Variants in RASGEF1B observed in about 807,000 individuals in gnomAD.
RASGEF1B encodes the protein RasGEF domain family member 1B, also known as ras-GEF domain-containing family member 1B.
Under a neutral mutation model 65.7 loss-of-function variants are expected in RASGEF1B, and 30 were observed. The ratio of observed to expected loss-of-function variants is 0.46; its 90% CI spans 0.34 to 0.62. The LOEUF is 0.62. RASGEF1B is among the 20% of genes least tolerant of loss of function. The pLI is 0.01. For missense variants in RASGEF1B, 495 were observed against 580.1 expected, an observed-to-expected ratio of 0.85 and a Z score of 1.51; for synonymous variants, 175 against 194.8, an observed-to-expected ratio of 0.90 and a Z score of 0.85.
At chr4:81,435,695 T>C (rs537137244) in intron 10 of RASGEF1B, among the ~76,000 whole-genome samples, 1 of 149,526 alleles carries the variant, frequency 6.7e-6, no homozygotes, top group Non-Finnish European at 1.5e-5. Context: ...CAGGATGGTC[T>C]CGATCTCCTG....
At chr4:81,459,231 G>T in intron 2 of RASGEF1B, 101 bp downstream of exon 2, 1 of 884,400 alleles carries the variant, frequency 1.1e-6, no homozygotes, top group South Asian at 2.7e-5. Context: ...AAAATTCTTA[G>T]CAACCTAGAT....
In RASGEF1B at chr4:81,434,382, T is replaced by C. The variant is rs1194264457; in HGVS notation, c.1200+257A>G. Among the ~76,000 whole-genome samples the C allele has an allele frequency of 5.3e-5, 8 of 152,312 alleles. No individual in the cohort carries two copies. The East Asian group carries it at 1.5e-3, about 29-fold the overall frequency. On this transcript the variant is annotated intron_variant, in intron 11 of 13. Coordinates refer to ENST00000264400, the MANE Select transcript of RASGEF1B (RefSeq NM_152545.3). ...ATTTAATCTTCTGAATTAAATAGTT[T>C]TCTTCATTTAATAAAACTCTATTTG...
chr4:81,443,321 T>C (rs1176570972), intron 8 of RASGEF1B, among the ~76,000 whole-genome samples: 1 of 152,188 alleles, frequency 6.6e-6, no homozygotes, highest in Non-Finnish European at 1.5e-5. Flanking sequence ...TACACAGATC[T>C]TAAACACATA....
chr4:81,459,691 G>A (rs538971390), intron 1 of RASGEF1B, among the ~76,000 whole-genome samples, 177 bp from the exon 2 acceptor site: 1 of 152,254 alleles, frequency 6.6e-6, no homozygotes, highest in Non-Finnish European at 1.5e-5. Context: ...CTCTGAGTAC[G>A]ACACGTATGC....
chr4:81,447,438 C>A (rs905940089), intron 6 of RASGEF1B, 66 bp downstream of exon 6: 6 of 1,158,970 alleles, frequency 5.2e-6, no homozygotes, highest in East Asian at 4.7e-5. Context: ...GTCCTTTATA[C>A]CCACTATCAT....
intron 4 of RASGEF1B, chr4:81,451,438 A>G (rs960646979): frequency 6.6e-6 from 1 of 152,226 alleles, no homozygotes; most frequent in African/African-American, 2.4e-5. Flanking sequence ...AAGCAGGGTG[A>G]TGAATACTAG....
chr4:81,429,584 C>T (rs1351894466), intron 13 of RASGEF1B, among the ~76,000 whole-genome samples: 1 of 152,186 alleles, frequency 6.6e-6, no homozygotes, highest in Non-Finnish European at 1.5e-5. Context: ...ACCACGCCCC[C>T]ATCTTGGGCC....
chr4:81,434,685 T>C lies in RASGEF1B; in HGVS notation c.1154A>G (p.Asn385Ser), dbSNP rs1721550938. 3 of 1,606,736 alleles carry C rather than the reference T, an allele frequency of 1.9e-6. No individual in the cohort carries two copies. Among genetic ancestry groups the C allele is most frequent in the Non-Finnish European group, 1.7e-6 (2 of 1,173,488 alleles). The change falls in exon 11 of 14, where the codon AAT becomes AGT. Residue 385 changes from asparagine to serine, a missense_variant. Transcript: ENST00000264400. The part of the protein sequence containing the change: ...SLLIKDIYFL[N>S]EGCANRLPNG... ...GGGAAGGCGGTTGGCACAACCCTCA[T>C]TGAGGAAATAAATATCTTTGATTAA... is the stretch of plus-strand genomic sequence containing the variant.
rs1475665317 is a variant in RASGEF1B, at chr4:81,437,693, G to A, written c.1105-2959C>T. 9.2e-5 allele frequency among the ~76,000 whole-genome samples: 14 copies of A among 152,258 alleles called. No homozygotes were observed. The South Asian group carries it at 2.9e-3, about 32-fold the overall frequency. On this transcript the variant is annotated intron_variant, in intron 10 of 13. Transcript: ENST00000264400. ...GGTGCCTGCAAGATGCTCCACTATT[G>A]ACTATCTCAATCACTCTTTCATAGA... is the stretch of plus-strand genomic sequence containing the variant.
At chr4:81,462,917 T>A (rs1405359968) in intron 1 of RASGEF1B, among the ~76,000 whole-genome samples, 2 of 152,164 alleles carry the variant, frequency 1.3e-5, no homozygotes, top group African/African-American at 2.4e-5. Context: ...TTTTTTTGAC[T>A]ATATAAGAAG....
chr4:81,428,803 A>T (rs771144035), intron 13 of RASGEF1B, among the ~76,000 whole-genome samples: 1 of 152,256 alleles, frequency 6.6e-6, no homozygotes, highest in African/African-American at 2.4e-5. Context: ...CAGGGACTAG[A>T]GCATCCTCAG....
rs140241229 is a variant in RASGEF1B at position 81,458,157 on chromosome 4, T to C, written c.178-536A>G. On this transcript the variant is annotated intron_variant, in intron 2 of 13. Transcript: ENST00000264400. The stretch of plus-strand genomic sequence containing the variant: ...GAACATTCAAAGGCAGGCTTTCAAG[T>C]AACCTATTTATTTGTTTAAAGGCAA... 2.6e-3 allele frequency among the ~76,000 whole-genome samples: 396 copies of C among 152,348 alleles called. 4 individuals carry two copies. Among genetic ancestry groups the C allele is most frequent in the African/African-American group, 9.1e-3 (380 of 41,586 alleles).
intron 1 of RASGEF1B, among the ~76,000 whole-genome samples, chr4:81,470,779 C>T (rs557694260): frequency 1.2e-3 from 185 of 152,328 alleles, no homozygotes; most frequent in African/African-American, 4.1e-3. Context: ...TTATCTGCCA[C>T]ACTTGTGCCA....
chr4:81,433,745 C>T lies in RASGEF1B; in HGVS notation c.1324+95G>A, dbSNP rs576477999. On this transcript the variant is annotated intron_variant, in intron 12 of 13. Coordinates refer to ENST00000264400, the MANE Select transcript of RASGEF1B (RefSeq NM_152545.3). ...AACATGGAACAGATCAGAGGACAGG[C>T]CTCATTACTATATGAGTAACCAAGC... 261 of 1,275,472 alleles carry T rather than the reference C, an allele frequency of 2.0e-4. 1 individual carries two copies. The African/African-American group carries it at 3.3e-3, about 16-fold the overall frequency. The allele number at this position is 1,275,472 out of a possible 1,614,324, so 79.0% of individuals were successfully genotyped here.
Position 81,428,847 on chromosome 4 carries a change from C to A in RASGEF1B, c.1398-1055G>T, listed in dbSNP as rs1475374779. Among the ~76,000 whole-genome samples, 5 of 152,314 alleles carry A rather than the reference C, an allele frequency of 3.3e-5. 1 individual carries two copies. The highest frequency in any genetic ancestry group is 1.2e-4 in the African/African-American group (5 of 41,570). ...ATCTGCAGGAGGTCCTGGAACCAATCCCCCATAAATACCAAGGGATGATTA... is the reference window on the plus strand; with the variant it reads ...ATCTGCAGGAGGTCCTGGAACCAATACCCCATAAATACCAAGGGATGATTA... On this transcript the variant is annotated intron_variant, in intron 13 of 13. Coordinates refer to ENST00000264400, the MANE Select transcript of RASGEF1B (RefSeq NM_152545.3).
At chr4:81,437,357 G>C (rs1721665842) in intron 10 of RASGEF1B, among the ~76,000 whole-genome samples, 1 of 152,144 alleles carries the variant, frequency 6.6e-6, no homozygotes, top group East Asian at 1.9e-4. Context: ...ACTGTCTTCT[G>C]TGCTACTGTG....
Position 81,432,352 on chromosome 4 carries a change from A to T in RASGEF1B, c.1344T>A (p.Tyr448Ter). Reference sequence around the variant, plus strand: ...TATGATTTTCAGGTCCTTCACTCTCATAAGAAGCCAAGTAGAGAGCTACAA... The same window carrying T: ...TATGATTTTCAGGTCCTTCACTCTCTTAAGAAGCCAAGTAGAGAGCTACAA... ...FSEDALYLASYESEGPENHIE... is the reference protein window; with the variant it reads ...FSEDALYLAS Residue 448 changes from tyrosine (Y) to a stop codon, truncating the protein, a stop_gained, in exon 13 of 14, where the codon TAT becomes TAA. Coordinates refer to ENST00000264400, the MANE Select transcript of RASGEF1B (RefSeq NM_152545.3). LOFTEE classifies it high-confidence loss of function. The T allele has an allele frequency of 6.2e-7, 1 of 1,608,710 alleles. No homozygotes were observed. The highest frequency in any genetic ancestry group is 1.1e-5 in the South Asian group (1 of 90,640).
At chr4:81,436,466 T>C (rs1347516313) in intron 10 of RASGEF1B, among the ~76,000 whole-genome samples, 1 of 152,228 alleles carries the variant, frequency 6.6e-6, no homozygotes, top group Non-Finnish European at 1.5e-5. Flanking sequence ...CTTGATGAGG[T>C]GGTATTTAAT....
chr4:81,448,371 T>A, intron 4 of RASGEF1B, 87 bp from the exon 5 acceptor site: 1 of 1,135,644 alleles, frequency 8.8e-7, no homozygotes, highest in East Asian at 2.4e-5. Context: ...CTCAAATGAT[T>A]TTACCTGGAC....
Sources: gnomAD v4.1 joint callset for allele counts (sites outside exome capture counted in the v4.1 genomes callset) on GRCh38, gnomAD v4.1.1 for gene constraint, MANE v1.5 for transcripts, NCBI Gene and HGNC (gene_info 2026-07-23, HGNC 2026-07-21) for gene names.